Variants in KANSL1L observed in about 807,000 individuals in gnomAD.
The protein encoded by KANSL1L is KAT8 regulatory NSL complex subunit 1 like, also known as KAT8 regulatory NSL complex subunit 1-like protein.
A neutral mutation model predicts 108.6 loss-of-function variants in KANSL1L; 25 were observed. The ratio of observed to expected loss-of-function variants is 0.23; its 90% confidence interval spans 0.17 to 0.32. KANSL1L has a LOEUF of 0.32. Ranked by LOEUF, KANSL1L falls within the 10% of genes least tolerant of loss-of-function variation. The pLI is 1.00. For synonymous variants in KANSL1L, 405 were observed against 395.1 expected, an observed-to-expected ratio of 1.03 and a Z score of -0.30; for missense variants, 1,137 against 1,125.7, an observed-to-expected ratio of 1.01 and a Z score of -0.14.
intron 5 of KANSL1L, chr2:210,088,392 T>A (rs1371258343): frequency 2.0e-5 from 3 of 152,284 alleles, no homozygotes; most frequent in Non-Finnish European, 1.5e-5. Context: ...TGATCTGCTA[T>A]GTATTCTAGG....
At chr2:210,031,675 C>G in intron 8 of KANSL1L, 129 bp from the exon 9 acceptor site, 1 of 544,230 alleles carries the variant, frequency 1.8e-6, no homozygotes, top group Middle Eastern at 5.2e-4. Flanking sequence ...AACATAAATA[C>G]CAAGACACAC....
chr2:210,122,091 T>C (rs1000560835), intron 3 of KANSL1L, among the ~76,000 whole-genome samples: 2 of 152,136 alleles, frequency 1.3e-5, no homozygotes, highest in South Asian at 4.1e-4. Context: ...TTAATATTGT[T>C]AAAATATCCA....
intron 3 of KANSL1L, among the ~76,000 whole-genome samples, chr2:210,114,998 T>C (rs1026323196): frequency 6.7e-6 from 1 of 150,222 alleles, no homozygotes; most frequent in East Asian, 1.9e-4. Context: ...AATAATCAAC[T>C]AAACATAACA....
At chr2:210,092,233 C>G (rs1401293471) in intron 5 of KANSL1L, among the ~76,000 whole-genome samples, 2 of 152,160 alleles carry the variant, frequency 1.3e-5, no homozygotes, top group Admixed American at 1.3e-4. Flanking sequence ...GTCACTCTCT[C>G]TTCAAATATT....
In KANSL1L at chr2:210,029,883, G is replaced by T; in HGVS notation, c.2191C>A (p.His731Asn). The T allele has an allele frequency of 1.9e-6, 3 of 1,604,216 alleles. No individual in the cohort carries two copies. Among genetic ancestry groups the T allele is most frequent in the Non-Finnish European group, 2.6e-6 (3 of 1,173,212 alleles). ...TTGCTATGGGATCCTGATTCTGTGT[G>T]TTGAAAATCAGATTCTTCAAGTTTA... The part of the protein sequence containing the change: ...RTKLEESDFQ[H>N]TESGSHSNFT... Residue 731 changes from histidine to asparagine, a missense_variant, in exon 10 of 15, where the codon CAC becomes AAC. Coordinates refer to ENST00000281772, the MANE Select transcript of KANSL1L (RefSeq NM_152519.4).
intron 1 of KANSL1L, among the ~76,000 whole-genome samples, chr2:210,170,053 G>A (rs1180710965): frequency 6.6e-6 from 1 of 152,148 alleles, no homozygotes. Flanking sequence ...ATTAAGAACG[G>A]GAAAGGCAGA....
intron 3 of KANSL1L, among the ~76,000 whole-genome samples, chr2:210,124,770 ACAAAGAAAAAAGACT>A (rs2095051396): frequency 6.6e-6 from 1 of 152,142 alleles, no homozygotes; most frequent in African/African-American, 2.4e-5. Flanking sequence ...AACTAAGAAA[ACAAAGAAAAAAGACT>A]CAAAATACTA....
Position 210,154,052 on chromosome 2 carries a change from A to G in KANSL1L, c.531T>C (p.Asn177=). Residue 177 remains asparagine (N), a synonymous_variant, in exon 2 of 15, where the codon AAT becomes AAC. Coordinates refer to ENST00000281772, the MANE Select transcript of KANSL1L (RefSeq NM_152519.4). ...QLQNCKWYQE[N]ALLDKVTDAE... Reference sequence around the variant, plus strand: ...CATCAGTAACTTTATCCAAAAGTGCATTCTCTTGATACCATTTACAGTTTT... The same window carrying G: ...CATCAGTAACTTTATCCAAAAGTGCGTTCTCTTGATACCATTTACAGTTTT... 6.2e-7 allele frequency: 1 copy of G among 1,613,672 alleles called. No homozygotes were observed. Among genetic ancestry groups the G allele is most frequent in the African/African-American group, 1.3e-5 (1 of 75,036 alleles).
At chr2:210,113,751 C>A in intron 3 of KANSL1L, among the ~76,000 whole-genome samples, 1 of 151,950 alleles carries the variant, frequency 6.6e-6, no homozygotes, top group Non-Finnish European at 1.5e-5. Context: ...GAAAAGAAAC[C>A]AAACAGAAAT....
At chr2:210,119,266 G>C (rs2094990267) in intron 3 of KANSL1L, among the ~76,000 whole-genome samples, 1 of 152,090 alleles carries the variant, frequency 6.6e-6, no homozygotes, top group Non-Finnish European at 1.5e-5. Flanking sequence ...ACTTAAAGAA[G>C]AAGTAGTATC....
intron 5 of KANSL1L, chr2:210,096,820 C>G: frequency 1.1e-6 from 1 of 913,106 alleles, no homozygotes. Flanking sequence ...TAGAACTGTT[C>G]CCACAATAGA....
Position 210,102,731 on chromosome 2 carries a change from G to A in KANSL1L, c.1428+1373C>T, listed in dbSNP as rs377532308. ...ACGTGAAAAAATGCTCATCATCACT[G>A]GCCATCAGAGAAATGCATATCAAAA... On this transcript the variant is annotated intron_variant, in intron 4 of 14. Transcript: ENST00000281772. Among the ~76,000 whole-genome samples the A allele has an allele frequency of 3.3e-5, 5 of 152,216 alleles. No homozygotes were observed. The East Asian group carries it at 9.7e-4, about 29-fold the overall frequency.
intron 3 of KANSL1L, among the ~76,000 whole-genome samples, chr2:210,108,307 A>G (rs1351807065): frequency 6.6e-6 from 1 of 152,210 alleles, no homozygotes; most frequent in African/African-American, 2.4e-5. Context: ...AGGGCCAGAT[A>G]CACATTTATC....
intron 5 of KANSL1L, among the ~76,000 whole-genome samples, chr2:210,091,590 T>C (rs1343456805): frequency 2.0e-5 from 3 of 152,306 alleles, no homozygotes; most frequent in Admixed American, 1.3e-4. Context: ...TTAGGAATAA[T>C]GAAAGCTAAA....
At chr2:210,119,252 A>G (rs1228608684) in intron 3 of KANSL1L, among the ~76,000 whole-genome samples, 1 of 152,202 alleles carries the variant, frequency 6.6e-6, no homozygotes, top group Non-Finnish European at 1.5e-5. Flanking sequence ...GAATTTTACC[A>G]AACACTTAAA....
intron 6 of KANSL1L, among the ~76,000 whole-genome samples, chr2:210,073,173 C>G (rs760535058): frequency 2.2e-4 from 34 of 152,050 alleles, no homozygotes; most frequent in Non-Finnish European, 4.0e-4. Context: ...TTTCTGTTAA[C>G]ATTACGATGT....
At chr2:210,034,671 T>C (rs1022688378) in intron 8 of KANSL1L, among the ~76,000 whole-genome samples, 7 of 152,200 alleles carry the variant, frequency 4.6e-5, no homozygotes, top group Non-Finnish European at 8.8e-5. Context: ...CATGTTGGAC[T>C]GTGAGAGTAG....
chr2:210,024,427 G>T (rs2093906929), intron 13 of KANSL1L, among the ~76,000 whole-genome samples: 1 of 152,026 alleles, frequency 6.6e-6, no homozygotes, highest in Non-Finnish European at 1.5e-5. Context: ...TGGGGGGAGG[G>T]TTATTCTTGT....
chr2:210,083,380 C>A (rs1241672470), intron 5 of KANSL1L, among the ~76,000 whole-genome samples: 1 of 152,134 alleles, frequency 6.6e-6, no homozygotes, highest in Non-Finnish European at 1.5e-5. Flanking sequence ...GACTTGTAAT[C>A]TCTATTTCAA....
Sources: allele counts gnomAD v4.1 joint callset (sites outside exome capture counted in the v4.1 genomes callset), GRCh38; gene constraint gnomAD v4.1.1; transcripts MANE v1.5; gene names NCBI Gene and HGNC (gene_info 2026-07-23, HGNC 2026-07-21).